The following RAB2A variants were observed in gnomAD, a reference collection of about 807,000 sequenced individuals.
RAB2A encodes the protein RAB2A, member RAS oncogene family, also known as ras-related protein Rab-2A.
RAB2A carries 7 observed loss-of-function variants against 32.5 expected under a neutral mutation model. The observed-to-expected ratio is 0.22, with a 90% confidence interval of 0.12 to 0.40. The LOEUF (loss-of-function observed/expected upper bound fraction) is 0.40, where lower values mean the gene tolerates loss of function less well. Ranked by LOEUF, RAB2A falls within the 10% of genes least tolerant of loss-of-function variation. RAB2A has a pLI of 1.00. For missense variants in RAB2A, 108 were observed against 260.7 expected, an observed-to-expected ratio of 0.41 and a Z score of 4.03; for synonymous variants, 79 against 85.2, an observed-to-expected ratio of 0.93 and a Z score of 0.40.
intron 6 of RAB2A, among the ~76,000 whole-genome samples, chr8:60,593,309 G>T (rs920220558): frequency 3.9e-5 from 6 of 152,184 alleles, no homozygotes; most frequent in African/African-American, 1.4e-4. Context: ...CTTGGTGCCA[G>T]AGGAATGACA....
At chr8:60,575,287 A>G (rs1343927712) in intron 3 of RAB2A, among the ~76,000 whole-genome samples, 1 of 151,782 alleles carries the variant, frequency 6.6e-6, no homozygotes, top group Non-Finnish European at 1.5e-5. Flanking sequence ...TTTTGTAGAG[A>G]TGGAGTCTTG....
chr8:60,607,226 G>A (rs1193173113), intron 6 of RAB2A, among the ~76,000 whole-genome samples: 3 of 149,208 alleles, frequency 2.0e-5, no homozygotes, highest in Non-Finnish European at 3.0e-5. Flanking sequence ...TCAGGAGATC[G>A]AGACCATCCT....
At chr8:60,565,063 C>T (rs951129249) in intron 2 of RAB2A, among the ~76,000 whole-genome samples, 3 of 152,192 alleles carry the variant, frequency 2.0e-5, no homozygotes, top group Non-Finnish European at 4.4e-5. Context: ...GTTAGTCTAG[C>T]GGCTAGGCCA....
intron 2 of RAB2A, among the ~76,000 whole-genome samples, chr8:60,570,274 C>A (rs1449302139): frequency 6.6e-6 from 1 of 152,130 alleles, no homozygotes; most frequent in Non-Finnish European, 1.5e-5. Context: ...CCATCCCTGA[C>A]AATGGAAGGA....
chr8:60,611,840 G>A (rs1039161938), intron 6 of RAB2A, among the ~76,000 whole-genome samples: 4 of 152,144 alleles, frequency 2.6e-5, no homozygotes, highest in African/African-American at 9.7e-5. Context: ...AGTATACTCA[G>A]TACTGAAGAG....
At chr8:60,589,726 T>C (rs1240918220) in intron 5 of RAB2A, among the ~76,000 whole-genome samples, 2 of 152,180 alleles carry the variant, frequency 1.3e-5, no homozygotes, top group Admixed American at 6.5e-5. Context: ...CCTGGAAAAC[T>C]GAGGTATTTT....
chr8:60,528,077 G>T (rs1807419947), intron 1 of RAB2A, among the ~76,000 whole-genome samples: 1 of 152,152 alleles, frequency 6.6e-6, no homozygotes, highest in Non-Finnish European at 1.5e-5. Context: ...TTTCACATCA[G>T]ACCTCTTCTG....
chr8:60,548,875 T>C (rs1807794289), intron 1 of RAB2A, among the ~76,000 whole-genome samples: 1 of 150,468 alleles, frequency 6.6e-6, no homozygotes, highest in Non-Finnish European at 1.5e-5. Flanking sequence ...CGCTCCTCAC[T>C]TCTCAGACAG....
intron 6 of RAB2A, among the ~76,000 whole-genome samples, 164 bp from the exon 7 acceptor site, chr8:60,618,416 G>A (rs1377391700): frequency 6.6e-6 from 1 of 151,878 alleles, no homozygotes; most frequent in African/African-American, 2.4e-5. Flanking sequence ...GTATTACATC[G>A]ATTGTTCTTT....
chr8:60,544,081 A>G (rs1268560579), intron 1 of RAB2A, among the ~76,000 whole-genome samples: 5 of 140,636 alleles, frequency 3.6e-5, no homozygotes, highest in African/African-American at 1.4e-4. Flanking sequence ...AAAAAAAAAA[A>G]GTGATAAATT....
intron 6 of RAB2A, among the ~76,000 whole-genome samples, chr8:60,608,339 G>A (rs989252144): frequency 1.3e-5 from 2 of 151,714 alleles, no homozygotes; most frequent in African/African-American, 4.8e-5. Context: ...TCTGTTCTTA[G>A]CTTAAACAGT....
chr8:60,618,476 A>G (rs1026902427), intron 6 of RAB2A, 104 bp from the exon 7 acceptor site: 13 of 491,252 alleles, frequency 2.6e-5, no homozygotes, highest in African/African-American at 2.3e-4. Flanking sequence ...TATTACGTCG[A>G]TTGACTTTCA....
At chr8:60,592,468 ACAG>A (rs1468326689) in intron 6 of RAB2A, among the ~76,000 whole-genome samples, 2 of 152,108 alleles carry the variant, frequency 1.3e-5, no homozygotes, top group Non-Finnish European at 1.5e-5. Flanking sequence ...ATGTTTCAAG[ACAG>A]CAGAACGTTT....
At position 60,559,047 on chromosome 8, in the gene RAB2A, G is replaced by C. The variant is rs1033607640; in HGVS notation, c.118+124G>C. The stretch of plus-strand genomic sequence containing the variant: ...GTGAAACTGGATTTGTTGTTACGCT[G>C]TTTAATCTCTGTCACTTTTTTAAAA... On this transcript the variant is annotated intron_variant, in intron 2 of 7. Coordinates refer to ENST00000262646, the MANE Select transcript of RAB2A (RefSeq NM_002865.3). 6.1e-6 allele frequency: 4 copies of C among 661,122 alleles called. No individual in the cohort carries two copies. The African/African-American group carries it at 7.3e-5, about 12-fold the overall frequency. The allele number at this position is 661,122 out of a possible 1,614,324, so 41.0% of individuals were successfully genotyped here.
At chr8:60,548,624 G>A (rs528571552) in intron 1 of RAB2A, among the ~76,000 whole-genome samples, 155 of 145,456 alleles carry the variant, frequency 1.1e-3, no homozygotes, top group African/African-American at 3.6e-3. Context: ...CGGATGGGGC[G>A]GCTGGCCGAG....
At position 60,575,200 on chromosome 8, in the gene RAB2A, G is replaced by C. The variant is rs531210882; in HGVS notation, c.186+3087G>C. 4.7e-5 allele frequency among the ~76,000 whole-genome samples: 7 copies of C among 149,714 alleles called. No individual in the cohort carries two copies. In the East Asian group the frequency reaches 1.4e-3, roughly 31 times the overall value. On this transcript the variant is annotated intron_variant, in intron 3 of 7. Transcript: ENST00000262646. Reference sequence around the variant, plus strand: ...TGCAGCCTCAAACGCCTGGCCTCAAGCAATCCTCCCACGTCAGCCTCTTGA... The same window carrying C: ...TGCAGCCTCAAACGCCTGGCCTCAACCAATCCTCCCACGTCAGCCTCTTGA...
intron 1 of RAB2A, among the ~76,000 whole-genome samples, chr8:60,517,635 G>A (rs1807229397): frequency 6.6e-6 from 1 of 152,140 alleles, no homozygotes; most frequent in African/African-American, 2.4e-5. Flanking sequence ...AAAGAAGGAG[G>A]GAAACCTAGG....
chr8:60,606,194 T>C (rs1804230741), intron 6 of RAB2A, among the ~76,000 whole-genome samples: 1 of 151,864 alleles, frequency 6.6e-6, no homozygotes, highest in Admixed American at 6.6e-5. Context: ...AGTGACACCC[T>C]GAGCTGGGAG....
intron 1 of RAB2A, among the ~76,000 whole-genome samples, chr8:60,541,142 C>T (rs1337945670): frequency 6.6e-6 from 1 of 152,118 alleles, no homozygotes; most frequent in African/African-American, 2.4e-5. Flanking sequence ...CATCTTCCTT[C>T]CAAACACTTA....
Sources: allele counts gnomAD v4.1 joint callset (sites outside exome capture counted in the v4.1 genomes callset), GRCh38; gene constraint gnomAD v4.1.1; transcripts MANE v1.5; gene names NCBI Gene and HGNC (gene_info 2026-07-23, HGNC 2026-07-21).